NR1H3: variants seen among roughly 807,000 people sequenced by gnomAD.
NR1H3 encodes the protein oxysterols receptor LXR-alpha.
NR1H3 carries 19 observed loss-of-function variants against 48.1 expected under a neutral mutation model. The ratio of observed to expected loss-of-function variants is 0.40; its 90% CI spans 0.28 to 0.58. NR1H3 has a LOEUF of 0.58. Among genes scored for constraint, NR1H3 ranks in the 20% least tolerant of loss-of-function variants. The pLI, the probability that NR1H3 is intolerant of heterozygous loss-of-function variation, is 0.50. For synonymous variants in NR1H3, 232 were observed against 227.3 expected, an observed-to-expected ratio of 1.02 and a Z score of -0.19; for missense variants, 486 against 595.9, an observed-to-expected ratio of 0.82 and a Z score of 1.92.
intron 7 of NR1H3, among the ~76,000 whole-genome samples, chr11:47,266,326 C>G (rs1956462992): frequency 6.6e-6 from 1 of 151,246 alleles, no homozygotes; most frequent in African/African-American, 2.4e-5. Context: ...CCACCGTGCC[C>G]TGCTGAAAAA....
chr11:47,261,702 C>T lies in NR1H3; in HGVS notation c.864C>T (p.Ala288=). The T allele has an allele frequency of 6.2e-7, 1 of 1,614,142 alleles. No individual in the cohort carries two copies. Among genetic ancestry groups the T allele is most frequent in the Non-Finnish European group, 8.5e-7 (1 of 1,180,034 alleles). Residue 288 remains alanine (A), a synonymous_variant, in exon 6 of 10, where the codon GCC becomes GCT. Transcript: ENST00000441012. ...AGCTCAGCCGGGAGGACCAGATTGC[C>T]CTGCTGAAGACCTCTGCGATCGAGG... ...FLQLSREDQI[A]LLKTSAIEVM...
chr11:47,259,308 C>CGCCTCCTGTAGGAATCA (rs763824483), intron 2 of NR1H3, 49 bp downstream of exon 2: 1 of 1,612,738 alleles, frequency 6.2e-7, no homozygotes. Flanking sequence ...GCAGGCTCCA[C>CGCCTCCTGTAGGAATCA]GCCTCCTGTA....
chr11:47,259,609 A>C, intron 2 of NR1H3, 182 bp from the exon 3 acceptor site: 1 of 1,452,952 alleles, frequency 6.9e-7, no homozygotes, highest in South Asian at 1.5e-5. Context: ...CCTGAGATGT[A>C]AGAAACTACA....
intron 1 of NR1H3, among the ~76,000 whole-genome samples, chr11:47,252,875 G>A (rs919365033): frequency 6.6e-6 from 1 of 151,148 alleles, no homozygotes; most frequent in Non-Finnish European, 1.5e-5. Flanking sequence ...GGCCCCAGCC[G>A]GCAGTTTTAT....
chr11:47,249,091 C>G, intron 1 of NR1H3: 1 of 1,273,150 alleles, frequency 7.9e-7, no homozygotes, highest in South Asian at 1.5e-5. Context: ...CGGAGAAATC[C>G]CTTACCAAGG....
chr11:47,257,181 C>A (rs1330662992), upstream of NR1H3, among the ~76,000 whole-genome samples: 2 of 152,104 alleles, frequency 1.3e-5, no homozygotes, highest in African/African-American at 4.8e-5. Flanking sequence ...GGATTTCATG[C>A]CCCAGGCAGC....
intron 1 of NR1H3, among the ~76,000 whole-genome samples, chr11:47,251,137 C>A (rs528257287): frequency 4.0e-5 from 6 of 151,718 alleles, no homozygotes; most frequent in African/African-American, 1.5e-4. Flanking sequence ...CCAGCCTGGG[C>A]GACAGAGCAA....
chr11:47,251,169 A>AC (rs373331862), intron 1 of NR1H3, among the ~76,000 whole-genome samples: 1 of 151,798 alleles, frequency 6.6e-6, no homozygotes, highest in Non-Finnish European at 1.5e-5. Flanking sequence ...AAAAAAAAAA[A>AC]GTCAGGTTTT....
At chr11:47,252,870 C>A (rs1243563259) in intron 1 of NR1H3, among the ~76,000 whole-genome samples, 1 of 151,442 alleles carries the variant, frequency 6.6e-6, no homozygotes, top group African/African-American at 2.4e-5. Flanking sequence ...CGCCCGGCCC[C>A]AGCCGGCAGT....
chr11:47,268,076 G>A, intron 8 of NR1H3, 50 bp downstream of exon 8: 1 of 1,441,696 alleles, frequency 6.9e-7, no homozygotes, highest in Non-Finnish European at 9.8e-7. Flanking sequence ...ACCAAGGAGG[G>A]CTGCAGGTCC....
chr11:47,257,946 A>AGTCCCTCCCCTCAGCC, upstream of NR1H3: 1 of 985,372 alleles, frequency 1.0e-6, no homozygotes, highest in Non-Finnish European at 1.2e-6. Flanking sequence ...ACCCCTCGGC[A>AGTCCCTCCCCTCAGCC]GTCCCTCCCC....
upstream of NR1H3, chr11:47,248,829 T>C (rs1954351178): frequency 1.3e-6 from 2 of 1,557,834 alleles, no homozygotes. Flanking sequence ...TGGAACCCGC[T>C]GGGTGGCACC....
intron 1 of NR1H3, among the ~76,000 whole-genome samples, chr11:47,252,875 G>T (rs919365033): frequency 8.6e-5 from 13 of 151,148 alleles, no homozygotes; most frequent in African/African-American, 3.2e-4. Context: ...GGCCCCAGCC[G>T]GCAGTTTTAT....
chr11:47,263,976 T>G (rs1316732871), intron 7 of NR1H3, among the ~76,000 whole-genome samples: 2 of 152,120 alleles, frequency 1.3e-5, no homozygotes, highest in Non-Finnish European at 2.9e-5. Flanking sequence ...CCAGAGAGGA[T>G]GTACAATAAG....
At chr11:47,260,954 G>A (rs1955782384) in intron 4 of NR1H3, among the ~76,000 whole-genome samples, 1 of 152,010 alleles carries the variant, frequency 6.6e-6, no homozygotes, top group African/African-American at 2.4e-5. Flanking sequence ...GTGTGGTGGT[G>A]AGCGCCTGTA....
At chr11:47,263,292 T>C (rs1956106713) in intron 7 of NR1H3, among the ~76,000 whole-genome samples, 1 of 151,252 alleles carries the variant, frequency 6.6e-6, no homozygotes, top group African/African-American at 2.4e-5. Context: ...TGAGATAAGT[T>C]CTTGCTCTGT....
Position 47,268,343 on chromosome 11 carries a change from C to T in NR1H3, c.1185C>T (p.Ile395=), listed in dbSNP as rs774994281. The T allele has an allele frequency of 6.2e-7, 1 of 1,614,014 alleles. No homozygotes were observed. Among genetic ancestry groups the T allele is most frequent in the South Asian group, 1.1e-5 (1 of 91,076 alleles). The change falls in exon 9 of 10, where the codon ATC becomes ATT. Residue 395 remains isoleucine (I), a synonymous_variant. Coordinates refer to ENST00000441012, the MANE Select transcript of NR1H3 (RefSeq NM_005693.4). ...AAGCCCTGCATGCCTACGTCTCCAT[C>T]CACCATCCCCATGTGAGTCTCCCCA... The part of the protein sequence containing the change: ...YVEALHAYVS[I]HHPHDRLMFP...
At chr11:47,259,408 C>G in intron 2 of NR1H3, 149 bp downstream of exon 2, 1 of 1,572,150 alleles carries the variant, frequency 6.4e-7, no homozygotes, top group Non-Finnish European at 8.6e-7. Context: ...CCGCCCAGAT[C>G]ACCTCTCCCC....
chr11:47,261,798 C>T (rs761742874), intron 6 of NR1H3, 72 bp downstream of exon 6: 20 of 1,608,102 alleles, frequency 1.2e-5, no homozygotes, highest in South Asian at 9.9e-5. Flanking sequence ...CTCCAGACAT[C>T]GAGCTGGGAG....
Sources: allele counts gnomAD v4.1 joint callset (sites outside exome capture counted in the v4.1 genomes callset), GRCh38; gene constraint gnomAD v4.1.1; transcripts MANE v1.5; gene names NCBI Gene and HGNC (gene_info 2026-07-23, HGNC 2026-07-21).